The following NAV2 variants were observed in gnomAD, a reference collection of about 807,000 sequenced individuals.
NAV2 encodes neuron navigator 2.
Under a neutral mutation model 223.2 loss-of-function variants are expected in NAV2, and 54 were observed. The observed-to-expected ratio is 0.24, with a 90% confidence interval of 0.19 to 0.30. NAV2 has a LOEUF of 0.30. NAV2 is among the 10% of genes least tolerant of loss of function. NAV2 has a pLI of 1.00. For missense variants in NAV2, 2,806 were observed against 3,147.5 expected (o/e 0.89, Z 2.60); for synonymous variants, 1,279 against 1,239.3 (o/e 1.03, Z -0.67).
chr11:20,090,535 T>C (rs1404603431), intron 26 of NAV2, among the ~76,000 whole-genome samples: 1 of 151,378 alleles, frequency 6.6e-6, no homozygotes, highest in Non-Finnish European at 1.5e-5. Flanking sequence ...AAGACAAAAG[T>C]AGGAACTCAG....
intron 22 of NAV2, among the ~76,000 whole-genome samples, chr11:20,073,664 G>A (rs1489003242): frequency 6.6e-6 from 1 of 152,170 alleles, no homozygotes; most frequent in Non-Finnish European, 1.5e-5. Flanking sequence ...TTAGTCTTGG[G>A]AGGGTGTATG....
rs138393324 is a variant in NAV2 at position 19,706,262 on chromosome 11, G to A, written c.76-126222G>A. On this transcript the variant is annotated intron_variant, in intron 1 of 37. Coordinates refer to the NAV2 transcript ENST00000360655. Reference sequence around the variant, plus strand: ...ACAGGCTTTCCTCTAATCCTTTGTGGGATGAGGCAAGATGTAAACAAAGGA... The same window carrying A: ...ACAGGCTTTCCTCTAATCCTTTGTGAGATGAGGCAAGATGTAAACAAAGGA... Among the ~76,000 whole-genome samples, 1,437 of 152,224 alleles carry A rather than the reference G, an allele frequency of 9.4e-3. 14 individuals carry two copies. The highest frequency in any genetic ancestry group is 0.015 in the Non-Finnish European group (1,004 of 68,014).
At chr11:19,879,284 A>T (rs560806235) in intron 4 of NAV2, among the ~76,000 whole-genome samples, 43 of 152,354 alleles carry the variant, frequency 2.8e-4, no homozygotes, top group African/African-American at 1.0e-3. Context: ...CTTTTAATGT[A>T]GGGAATATTT....
intron 37 of NAV2, among the ~76,000 whole-genome samples, chr11:20,116,467 T>C (rs2249867): frequency 0.21 from 31,619 of 152,224 alleles, 5,071 homozygotes; most frequent in African/African-American, 0.43. Flanking sequence ...AACAGCCGTT[T>C]GCAACGTTAA....
chr11:19,411,066 G>A (rs1485003890), intron 1 of NAV2, among the ~76,000 whole-genome samples: 3 of 152,112 alleles, frequency 2.0e-5, no homozygotes, highest in Admixed American at 1.3e-4. Context: ...CACAGCAATT[G>A]GCACACACGG....
chr11:19,730,467 C>A (rs948821479), intron 1 of NAV2, among the ~76,000 whole-genome samples: 1 of 152,214 alleles, frequency 6.6e-6, no homozygotes, highest in Non-Finnish European at 1.5e-5. Flanking sequence ...TGACAATGGG[C>A]CTGTTGGGGC....
intron 1 of NAV2, among the ~76,000 whole-genome samples, chr11:19,590,168 G>C (rs1322316598): frequency 1.3e-5 from 2 of 152,160 alleles, no homozygotes; most frequent in Non-Finnish European, 2.9e-5. Flanking sequence ...GAGCTGCTGC[G>C]AGGATTAGAT....
chr11:19,935,430 G>A (rs1438072236), intron 7 of NAV2, among the ~76,000 whole-genome samples: 1 of 152,146 alleles, frequency 6.6e-6, no homozygotes, highest in East Asian at 1.9e-4. Context: ...AAATGCAAAG[G>A]CACATGTGCA....
At chr11:20,086,467 A>T (rs1275558005) in intron 26 of NAV2, among the ~76,000 whole-genome samples, 1 of 152,186 alleles carries the variant, frequency 6.6e-6, no homozygotes, top group Non-Finnish European at 1.5e-5. Context: ...TTCTACCATG[A>T]GCCAGTGCTC....
At chr11:19,873,613 A>G (rs1040835271) in intron 4 of NAV2, among the ~76,000 whole-genome samples, 1 of 151,912 alleles carries the variant, frequency 6.6e-6, no homozygotes, top group African/African-American at 2.4e-5. Context: ...CTAGGTACTG[A>G]GTTTTCTCCT....
chr11:19,551,911 C>T (rs1304935403), intron 1 of NAV2, among the ~76,000 whole-genome samples: 1 of 152,090 alleles, frequency 6.6e-6, no homozygotes, highest in Non-Finnish European at 1.5e-5. Context: ...CTCTCTCTCT[C>T]TCTCTCTCTC....
intron 1 of NAV2, among the ~76,000 whole-genome samples, chr11:19,675,392 G>A (rs2048687580): frequency 6.6e-6 from 1 of 152,076 alleles, no homozygotes; most frequent in South Asian, 2.1e-4. Context: ...CTGCCCACCA[G>A]GACACATACA....
At chr11:19,527,101 C>G (rs2043864238) in intron 1 of NAV2, among the ~76,000 whole-genome samples, 1 of 151,834 alleles carries the variant, frequency 6.6e-6, no homozygotes, top group African/African-American at 2.4e-5. Context: ...CCATCCAAAT[C>G]TCGTCTTGAA....
chr11:19,618,650 T>C (rs559710746), intron 1 of NAV2, among the ~76,000 whole-genome samples: 1 of 152,250 alleles, frequency 6.6e-6, no homozygotes, highest in African/African-American at 2.4e-5. Flanking sequence ...TGGGGAGCCA[T>C]AGATTTGACA....
Position 19,920,093 on chromosome 11 carries a change from C to T in NAV2, c.932-13083C>T, listed in dbSNP as rs1413559421. Among the ~76,000 whole-genome samples, 4 of 152,142 alleles carry T rather than the reference C, an allele frequency of 2.6e-5. No homozygotes were observed. In the East Asian group the frequency reaches 5.8e-4, roughly 22 times the overall value. Reference sequence around the variant, plus strand: ...AGGCTGTAGTGAGCCATGTTTGCACCACTGCACTCCATCCTGGGCAACAGA... The same window carrying T: ...AGGCTGTAGTGAGCCATGTTTGCACTACTGCACTCCATCCTGGGCAACAGA... On this transcript the variant is annotated intron_variant, in intron 6 of 37. Coordinates refer to ENST00000349880, the MANE Select transcript of NAV2 (RefSeq NM_145117.5).
chr11:19,630,690 C>A (rs1051331301), intron 1 of NAV2, among the ~76,000 whole-genome samples: 1 of 151,968 alleles, frequency 6.6e-6, no homozygotes, highest in African/African-American at 2.4e-5. Context: ...AGTTTAAGAC[C>A]AGCCTGGGCA....
At chr11:19,568,493 AG>A (rs2045334286) in intron 1 of NAV2, among the ~76,000 whole-genome samples, 1 of 152,178 alleles carries the variant, frequency 6.6e-6, no homozygotes, top group Non-Finnish European at 1.5e-5. Context: ...TGGATGTCCA[AG>A]CTGTACAGAT....
chr11:19,643,271 G>A (rs904282133), intron 1 of NAV2, among the ~76,000 whole-genome samples: 1 of 151,692 alleles, frequency 6.6e-6, no homozygotes, highest in Non-Finnish European at 1.5e-5. Context: ...CCCATTACTC[G>A]TCATTTAACA....
At chr11:19,476,572 T>C (rs573079775) in intron 1 of NAV2, among the ~76,000 whole-genome samples, 1 of 152,146 alleles carries the variant, frequency 6.6e-6, no homozygotes, top group Non-Finnish European at 1.5e-5. Context: ...GGGGCAGTTT[T>C]TCCCCCTGAA....
Sources: allele counts gnomAD v4.1 joint callset (sites outside exome capture counted in the v4.1 genomes callset), GRCh38; gene constraint gnomAD v4.1.1; transcripts MANE v1.5; gene names NCBI Gene and HGNC (gene_info 2026-07-23, HGNC 2026-07-21).